Variants in MAGI2 observed in about 807,000 individuals in gnomAD.
MAGI2 encodes membrane associated guanylate kinase, WW and PDZ domain containing 2, also known as membrane-associated guanylate kinase, WW and PDZ domain-containing protein 2.
A neutral mutation model predicts 133.3 loss-of-function variants in MAGI2; 35 were observed. The observed-to-expected ratio is 0.26, with a 90% CI of 0.20 to 0.35. The LOEUF is 0.35. Ranked by LOEUF, MAGI2 falls within the 10% of genes least tolerant of loss-of-function variation. MAGI2 has a pLI of 1.00. For missense variants in MAGI2, 1,636 were observed against 1,863.4 expected (o/e 0.88, Z 2.25); for synonymous variants, 729 against 710.6 (o/e 1.03, Z -0.41).
intron 18 of MAGI2, among the ~76,000 whole-genome samples, chr7:78,131,874 C>T (rs934980302): frequency 8.6e-5 from 13 of 151,994 alleles, no homozygotes; most frequent in African/African-American, 2.7e-4. Flanking sequence ...AGTAAAAATG[C>T]TAATTTATTT....
chr7:78,372,113 T>C (rs1466251430), intron 6 of MAGI2, among the ~76,000 whole-genome samples: 1 of 152,156 alleles, frequency 6.6e-6, no homozygotes, highest in Admixed American at 6.5e-5. Flanking sequence ...TGTTGGCACA[T>C]GTGTGTTTGT....
chr7:78,246,011 AGCT>A (rs1791743278), intron 10 of MAGI2, among the ~76,000 whole-genome samples: 1 of 152,092 alleles, frequency 6.6e-6, no homozygotes, highest in African/African-American at 2.4e-5. Flanking sequence ...CCCTGAGCGG[AGCT>A]GCTACCATAC....
chr7:78,053,965 G>A (rs936462692), intron 21 of MAGI2, among the ~76,000 whole-genome samples: 8 of 151,902 alleles, frequency 5.3e-5, no homozygotes, highest in Non-Finnish European at 1.0e-4. Context: ...GTACTCCCCC[G>A]AGATCTACCT....
chr7:78,328,502 A>AACAAACACACACACACACACAC (rs1554346528), intron 9 of MAGI2, among the ~76,000 whole-genome samples: 19 of 105,176 alleles, frequency 1.8e-4, no homozygotes, highest in Non-Finnish European at 2.9e-4. Context: ...CCAGCTCTAA[A>AACAAACACACACACACACACAC]ACACACACAC....
chr7:78,330,131 C>T (rs1181545809), intron 9 of MAGI2, among the ~76,000 whole-genome samples: 33 of 152,074 alleles, frequency 2.2e-4, no homozygotes, highest in Non-Finnish European at 5.9e-5. Context: ...GCTACCATTT[C>T]CGAGAGATTC....
At chr7:79,076,689 T>C (rs1208946381) in intron 1 of MAGI2, among the ~76,000 whole-genome samples, 1 of 152,238 alleles carries the variant, frequency 6.6e-6, no homozygotes, top group African/African-American at 2.4e-5. Context: ...GATGTTTCTT[T>C]TTGGAAGATA....
intron 6 of MAGI2, among the ~76,000 whole-genome samples, chr7:78,464,655 A>G (rs144148957): frequency 3.9e-5 from 6 of 152,260 alleles, no homozygotes; most frequent in Non-Finnish European, 5.9e-5. Context: ...TATTCTACAT[A>G]TTAATGACCC....
At chr7:78,263,630 C>A (rs1239614711) in intron 9 of MAGI2, among the ~76,000 whole-genome samples, 1 of 152,144 alleles carries the variant, frequency 6.6e-6, no homozygotes, top group Non-Finnish European at 1.5e-5. Context: ...GCTCAAGAAT[C>A]AGGAGGGTGT....
At chr7:78,580,457 G>A (rs1481932145) in intron 3 of MAGI2, among the ~76,000 whole-genome samples, 1 of 151,126 alleles carries the variant, frequency 6.6e-6, no homozygotes, top group East Asian at 2.0e-4. Context: ...ATTTCCTGTT[G>A]ATGTGTATTG....
intron 10 of MAGI2, among the ~76,000 whole-genome samples, chr7:78,204,110 A>T (rs1447310383): frequency 2.0e-5 from 3 of 152,206 alleles, no homozygotes; most frequent in Non-Finnish European, 4.4e-5. Flanking sequence ...GACTTCTGAG[A>T]TCTAGGAAGT....
chr7:78,725,716 G>A (rs544885713), intron 2 of MAGI2, among the ~76,000 whole-genome samples: 13 of 152,132 alleles, frequency 8.5e-5, no homozygotes, highest in South Asian at 2.1e-4. Flanking sequence ...GGAGAACGGC[G>A]GGAACCTGGG....
At chr7:78,519,019 T>G (rs1279390692) in intron 4 of MAGI2, 2 of 152,020 alleles carry the variant, frequency 1.3e-5, no homozygotes, top group African/African-American at 4.8e-5. Flanking sequence ...ATTACAGGCA[T>G]GAGCCTCCGC....
intron 3 of MAGI2, among the ~76,000 whole-genome samples, chr7:78,609,547 A>C (rs988388255): frequency 2.0e-5 from 3 of 152,192 alleles, no homozygotes; most frequent in Non-Finnish European, 4.4e-5. Flanking sequence ...ACATGTTTTT[A>C]ACAAAAGGAG....
intron 4 of MAGI2, among the ~76,000 whole-genome samples, chr7:78,507,839 T>G (rs1271485418): frequency 6.6e-6 from 1 of 152,176 alleles, no homozygotes; most frequent in African/African-American, 2.4e-5. Context: ...CAGTGTACAG[T>G]CAAGGAGAAT....
At chr7:78,471,875 A>G (rs532339247) in intron 6 of MAGI2, among the ~76,000 whole-genome samples, 2 of 152,122 alleles carry the variant, frequency 1.3e-5, no homozygotes, top group African/African-American at 2.4e-5. Flanking sequence ...CAGTGAGCCT[A>G]GATTGCACCA....
intron 1 of MAGI2, among the ~76,000 whole-genome samples, chr7:79,263,090 C>T (rs184607493): frequency 1.5e-4 from 23 of 152,188 alleles, no homozygotes; most frequent in Non-Finnish European, 2.4e-4. Context: ...CTGGCACTTA[C>T]ATTTTATGTA....
chr7:78,803,292 T>G (rs1029218940), intron 2 of MAGI2, among the ~76,000 whole-genome samples: 1 of 152,154 alleles, frequency 6.6e-6, no homozygotes, highest in African/African-American at 2.4e-5. Context: ...ATGCAATATA[T>G]CTTGGGCTGG....
intron 2 of MAGI2, among the ~76,000 whole-genome samples, chr7:78,934,411 A>AT (rs756890306): frequency 2.6e-5 from 4 of 151,982 alleles, no homozygotes; most frequent in Non-Finnish European, 5.9e-5. Flanking sequence ...GCCAGAACAC[A>AT]TTTTTTTCCA....
chr7:78,771,183 C>G (rs985245514), intron 2 of MAGI2: 1 of 152,220 alleles, frequency 6.6e-6, no homozygotes, highest in Non-Finnish European at 1.5e-5. Flanking sequence ...TCCTTCTCCC[C>G]TCTCTCGCTT....
Sources: gnomAD v4.1 joint callset for allele counts (sites outside exome capture counted in the v4.1 genomes callset) on GRCh38, gnomAD v4.1.1 for gene constraint, MANE v1.5 for transcripts, NCBI Gene and HGNC (gene_info 2026-07-23, HGNC 2026-07-21) for gene names.